ABCA3: variants seen among roughly 807,000 people sequenced by gnomAD.
ABCA3 encodes the protein phospholipid-transporting ATPase ABCA3.
ABCA3 carries 88 observed loss-of-function variants against 172.8 expected under a neutral mutation model. That is an observed-to-expected ratio of 0.51 (90% CI 0.43 to 0.61). The LOEUF (loss-of-function observed/expected upper bound fraction) is 0.61, where lower values mean the gene tolerates loss of function less well. Among genes scored for constraint, ABCA3 ranks in the 20% least tolerant of loss-of-function variants. The pLI, the probability that ABCA3 is intolerant of heterozygous loss-of-function variation, is 0.00. For missense variants in ABCA3, 2,164 were observed against 2,301.0 expected (o/e 0.94, Z 1.22); for synonymous variants, 1,066 against 983.8 (o/e 1.08, Z -1.56).
In ABCA3 at chr16:2,287,220, C is replaced by G. The variant is rs529634579; in HGVS notation, c.3005-253G>C. Reference sequence around the variant, plus strand: ...AATAAGAAAACCTTCCAGTAGGTTCCATTAACCAGAGCACGGTCCCTGTTC... The same window carrying G: ...AATAAGAAAACCTTCCAGTAGGTTCGATTAACCAGAGCACGGTCCCTGTTC... On this transcript the variant is annotated intron_variant, in intron 21 of 32. Transcript: ENST00000301732. The surrounding 1 kb of genome is among the most constrained non-coding windows in gnomAD (Gnocchi z 4.1). 8.9e-4 allele frequency among the ~76,000 whole-genome samples: 135 copies of G among 152,224 alleles called. 2 individuals are homozygous for G. In the South Asian group the frequency reaches 0.027, roughly 30 times the overall value.
intron 17 of ABCA3, among the ~76,000 whole-genome samples, chr16:2,296,565 G>A (rs1893303668): frequency 6.6e-6 from 1 of 152,236 alleles, no homozygotes; most frequent in African/African-American, 2.4e-5. Flanking sequence ...AAGGATGCCA[G>A]GCCCAGGAAG....
At chr16:2,300,854 G>T (rs1360935707) in intron 12 of ABCA3, among the ~76,000 whole-genome samples, 1 of 152,224 alleles carries the variant, frequency 6.6e-6, no homozygotes, top group Non-Finnish European at 1.5e-5. Flanking sequence ...TGCACTTCCA[G>T]CACCTGGAAC....
rs924963180 is a variant in ABCA3 at position 2,299,911 on chromosome 16, C to T, written c.1611+94G>A. ...AGGAGGGAGCAAGGCTCAGAGGGAGCGCCTGACGGGCTATGAGGTCTCACT... is the reference window on the plus strand; with the variant it reads ...AGGAGGGAGCAAGGCTCAGAGGGAGTGCCTGACGGGCTATGAGGTCTCACT... On this transcript the variant is annotated intron_variant, in intron 13 of 32. Transcript: ENST00000301732. 70 of 1,559,024 alleles carry T rather than the reference C, an allele frequency of 4.5e-5. No homozygotes were observed. The Admixed American group carries it at 4.9e-4, about 11-fold the overall frequency.
intron 11 of ABCA3, among the ~76,000 whole-genome samples, chr16:2,306,220 G>A (rs2093697360): frequency 1.3e-5 from 2 of 152,096 alleles, no homozygotes; most frequent in African/African-American, 4.8e-5. Flanking sequence ...AGCTACTCAG[G>A]AGGCTGAGGT....
Position 2,319,820 on chromosome 16 carries a change from G to T in ABCA3, c.634C>A (p.Leu212Met), listed in dbSNP as rs139695699. Residue 212 changes from leucine to methionine, a missense_variant, in exon 8 of 33, where the codon CTG (leucine) becomes ATG (methionine). Leu to Met is a conservative substitution (Grantham distance 15, BLOSUM62 2). Coordinates refer to ENST00000301732, the MANE Select transcript of ABCA3 (RefSeq NM_001089.3). ...GEPGYIREGF[L>M]AVQHAVDRAI... ...CGGTCCACAGCATGCTGCACGGCCA[G>T]GAAGCCTTCCCGGATGTACCCTGGG... is the stretch of plus-strand genomic sequence containing the variant. 1,389 of 1,613,980 alleles carry T rather than the reference G, an allele frequency of 8.6e-4. 12 individuals carry two copies. The Middle Eastern group carries it at 0.011, about 13-fold the overall frequency.
At chr16:2,322,768 G>C (rs323062) in intron 7 of ABCA3, among the ~76,000 whole-genome samples, 138,895 of 151,928 alleles carry the variant, frequency 0.91, 64,779 homozygotes, top group East Asian at 1. Context: ...ACTAAAACAC[G>C]AAAAGCAATG....
chr16:2,278,997 G>A lies in ABCA3; in HGVS notation c.4493C>T (p.Thr1498Ile), dbSNP rs753483761. 1.9e-6 allele frequency: 3 copies of A among 1,613,452 alleles called. No homozygotes were observed. Among genetic ancestry groups the A allele is most frequent in the African/African-American group, 1.3e-5 (1 of 74,938 alleles). ...ERHIGACVEN[T>I]LRGLLLEPHA... ...TGGCTCCAGCAGCAGGCCCCGCAGA[G>A]TGTTCTCCACGCAGGCCCCGATGTG... Residue 1498 changes from threonine to isoleucine, a missense_variant, in exon 29 of 33, where the codon ACT (threonine) becomes ATT (isoleucine). Physicochemically the swap from Thr to Ile is moderately conservative, Grantham distance 89. Transcript: ENST00000301732. This position sits in a 1 kb window ranked among gnomAD's most constrained non-coding sequence, Gnocchi z 4.4.
Position 2,285,049 on chromosome 16 carries a change from C to T in ABCA3, c.3484-51G>A, listed in dbSNP as rs1263694648. On this transcript the variant is annotated intron_variant, in intron 23 of 32. Coordinates refer to ENST00000301732, the MANE Select transcript of ABCA3 (RefSeq NM_001089.3). The surrounding 1 kb of genome is among the most constrained non-coding windows in gnomAD (Gnocchi z 4.7). ...TGTGCATGCCAAGCTGAGAGGAGCT[C>T]ACGGGTAGGGAAGGGGTGAGAGGAG... 6.3e-7 allele frequency: 1 copy of T among 1,582,410 alleles called. No individual in the cohort carries two copies. Among genetic ancestry groups the T allele is most frequent in the Admixed American group, 1.8e-5 (1 of 56,188 alleles).
intron 10 of ABCA3, among the ~76,000 whole-genome samples, chr16:2,314,096 A>G (rs2093711046): frequency 6.6e-6 from 1 of 152,140 alleles, no homozygotes; most frequent in African/African-American, 2.4e-5. Context: ...CTCTCTCAAA[A>G]GTTAAACATG....
At chr16:2,331,748 A>T (rs1326112871) in intron 1 of ABCA3, among the ~76,000 whole-genome samples, 1 of 152,238 alleles carries the variant, frequency 6.6e-6, no homozygotes, top group Non-Finnish European at 1.5e-5. Flanking sequence ...AGTGCTGATG[A>T]CTGAGGCCCA....
In ABCA3 at chr16:2,278,590, G is replaced by A. The variant is rs2093650328; in HGVS notation, c.4548-132C>T. Reference sequence around the variant, plus strand: ...GCAGAACAGCCCTAGTGAAGAGGAAGGAGCTGTGTGTGCACCTGGAAAGCC... The same window carrying A: ...GCAGAACAGCCCTAGTGAAGAGGAAAGAGCTGTGTGTGCACCTGGAAAGCC... On this transcript the variant is annotated intron_variant, in intron 29 of 32. Coordinates refer to ENST00000301732, the MANE Select transcript of ABCA3 (RefSeq NM_001089.3). The surrounding 1 kb of genome is among the most constrained non-coding windows in gnomAD (Gnocchi z 4.4). 4 of 1,249,802 alleles carry A rather than the reference G, an allele frequency of 3.2e-6. No individual in the cohort carries two copies. In the African/African-American group the frequency reaches 5.9e-5, roughly 19 times the overall value. 77.4% of individuals were successfully genotyped at this position (1,249,802 alleles called of 1,614,324 possible).
Position 2,281,068 on chromosome 16 carries a change from C to T in ABCA3, c.4318G>A (p.Ala1440Thr). The change falls in exon 28 of 33, where the codon GCC becomes ACC. Residue 1440 changes from alanine to threonine, a missense_variant. Coordinates refer to ENST00000301732, the MANE Select transcript of ABCA3 (RefSeq NM_001089.3). This position sits in a 1 kb window ranked among gnomAD's most constrained non-coding sequence, Gnocchi z 4.7. ...CTGATTCTGTGACCCCCGACAAAGG[C>T]ATCCCCAGAAGTGAGGCTCTCCTCC... The part of the protein sequence containing the change: ...TGEESLTSGD[A>T]FVGGHRISSD... 1 of 1,613,982 alleles carries T rather than the reference C, an allele frequency of 6.2e-7. No homozygotes were observed. The highest frequency in any genetic ancestry group is 2.2e-5 in the East Asian group (1 of 44,882).
intron 14 of ABCA3, 90 bp downstream of exon 14, chr16:2,299,313 C>A: frequency 6.3e-7 from 1 of 1,577,254 alleles, no homozygotes; most frequent in East Asian, 2.2e-5. Context: ...GGCCCGAAAG[C>A]CCCATTGAGG....
In ABCA3 at chr16:2,283,520, G is replaced by T; in HGVS notation, c.3863-162C>A. The T allele has an allele frequency of 1.3e-6, 1 of 765,876 alleles. No homozygotes were observed. The highest frequency in any genetic ancestry group is 2.1e-6 in the Non-Finnish European group (1 of 485,482). The allele number at this position is 765,876 out of a possible 1,614,324, so 47.4% of individuals were successfully genotyped here. ...CAGTAGGTCACAGCTGCCTCTCGAG[G>T]CACCACAGCTCAGAGAGGGGCCAGG... On this transcript the variant is annotated intron_variant, in intron 25 of 32. Transcript: ENST00000301732. This position sits in a 1 kb window ranked among gnomAD's most constrained non-coding sequence, Gnocchi z 5.4.
At chr16:2,340,389 A>G (rs1053280274) in intron 1 of ABCA3, among the ~76,000 whole-genome samples, 184 bp downstream of exon 1, 17 of 151,394 alleles carry the variant, frequency 1.1e-4, no homozygotes, top group African/African-American at 4.1e-4. Flanking sequence ...AGGCCGCGGC[A>G]GGAGGGGCGG....
intron 2 of ABCA3, 125 bp from the exon 3 acceptor site, chr16:2,328,882 C>A (rs1415286248): frequency 6.6e-6 from 1 of 152,600 alleles, no homozygotes; most frequent in Admixed American, 6.5e-5. Context: ...CGGGAGACTC[C>A]AGCGCACGGG....
Position 2,276,566 on chromosome 16 carries a change from A to C in ABCA3, c.*108T>G. The C allele has an allele frequency of 6.5e-7, 1 of 1,537,306 alleles. No homozygotes were observed. The highest frequency in any genetic ancestry group is 8.8e-7 in the Non-Finnish European group (1 of 1,141,842). On this transcript the variant is annotated 3_prime_UTR_variant, in exon 33 of 33. Coordinates refer to ENST00000301732, the MANE Select transcript of ABCA3 (RefSeq NM_001089.3). The stretch of plus-strand genomic sequence containing the variant: ...TTGAATTTTTCATATCCATCATAGA[A>C]AAAAGTGATTAAAAATAAAGGATGA...
intron 7 of ABCA3, among the ~76,000 whole-genome samples, chr16:2,323,044 A>C (rs868600766): frequency 3.7e-4 from 56 of 152,388 alleles, no homozygotes; most frequent in Admixed American, 1.3e-3. Context: ...GCCAAAAGAC[A>C]CATGAAAAAA....
chr16:2,319,692 G>A lies in ABCA3; in HGVS notation c.762C>T (p.Pro254=), dbSNP rs142938848. ...RFPYPPFIAD[P]FLVAIQYQLP... is the part of the protein sequence containing the mutation. ...GCTGGTACTGGATGGCCACGAGGAA[G>A]GGGTCTGCGATGAACGGCGGGTACG... Residue 254 remains proline, a synonymous_variant, in exon 8 of 33, where the codon CCC becomes CCT. Coordinates refer to ENST00000301732, the MANE Select transcript of ABCA3 (RefSeq NM_001089.3). 1 of 1,614,024 alleles carries A rather than the reference G, an allele frequency of 6.2e-7. No individual in the cohort carries two copies. The highest frequency in any genetic ancestry group is 1.3e-5 in the African/African-American group (1 of 75,034).
Sources: gnomAD v4.1 joint callset for allele counts (sites outside exome capture counted in the v4.1 genomes callset) on GRCh38, gnomAD v4.1.1 for gene constraint, Gnocchi (gnomAD v3.1) non-coding constraint, MANE v1.5 for transcripts, NCBI Gene and HGNC (gene_info 2026-07-23, HGNC 2026-07-21) for gene names.